Variants in RASA2 observed in about 807,000 individuals in gnomAD.
The protein encoded by RASA2 is ras GTPase-activating protein 2.
Under a neutral mutation model 118.2 loss-of-function variants are expected in RASA2, and 155 were observed. That is an observed-to-expected ratio of 1.31 (90% CI 1.15 to 1.50). RASA2 has a LOEUF of 1.50. Among genes scored for constraint, RASA2 ranks in the 40% most tolerant of loss-of-function variants. The probability of loss-of-function intolerance (pLI) is 0.00; values close to 1 mark genes in which losing one functional copy is unlikely to be tolerated. For synonymous variants in RASA2, 353 were observed against 349.1 expected (o/e 1.01, Z -0.12); for missense variants, 1,016 against 1,009.6 (o/e 1.01, Z -0.09).
chr3:141,489,130 T>A (rs1207276076), intron 1 of RASA2, among the ~76,000 whole-genome samples: 1 of 152,254 alleles, frequency 6.6e-6, no homozygotes, highest in Non-Finnish European at 1.5e-5. Context: ...ATATTACTGC[T>A]TTAACCACAG....
chr3:141,527,262 T>G (rs2082198169), intron 3 of RASA2, among the ~76,000 whole-genome samples: 1 of 152,224 alleles, frequency 6.6e-6, no homozygotes, highest in African/African-American at 2.4e-5. Context: ...TCTATATACA[T>G]ATTCATAAAT....
At chr3:141,563,355 C>A (rs1003678452) in intron 9 of RASA2, among the ~76,000 whole-genome samples, 17 of 152,058 alleles carry the variant, frequency 1.1e-4, no homozygotes, top group African/African-American at 3.9e-4. Flanking sequence ...TTTAACAAAT[C>A]TTGAGCCTTT....
At chr3:141,489,274 C>T (rs778469803) in intron 1 of RASA2, among the ~76,000 whole-genome samples, 14 of 152,134 alleles carry the variant, frequency 9.2e-5, no homozygotes, top group Non-Finnish European at 2.1e-4. Flanking sequence ...AGCTCTCTTC[C>T]CATTTCTTTG....
intron 15 of RASA2, among the ~76,000 whole-genome samples, chr3:141,579,047 C>T (rs1187933942): frequency 3.3e-5 from 5 of 152,024 alleles, no homozygotes; most frequent in Admixed American, 2.0e-4. Context: ...TCGGATATTC[C>T]TTCCTTTCCA....
chr3:141,571,597 A>G (rs752312212), intron 11 of RASA2, 43 bp downstream of exon 11: 1 of 1,553,110 alleles, frequency 6.4e-7, no homozygotes, highest in Non-Finnish European at 8.8e-7. Context: ...ATGTTGTTGA[A>G]ATTGGACCTT....
intron 4 of RASA2, among the ~76,000 whole-genome samples, chr3:141,530,662 C>T (rs563685397): frequency 1.3e-5 from 2 of 152,192 alleles, no homozygotes; most frequent in African/African-American, 4.8e-5. Flanking sequence ...GTCTCCATTT[C>T]CTCATAATCT....
intron 13 of RASA2, among the ~76,000 whole-genome samples, chr3:141,573,463 A>C (rs2082956762): frequency 6.6e-6 from 1 of 152,172 alleles, no homozygotes; most frequent in Non-Finnish European, 1.5e-5. Context: ...ACAATAGTGA[A>C]CTTAAGCTAT....
intron 3 of RASA2, among the ~76,000 whole-genome samples, chr3:141,527,663 T>G (rs1284854682): frequency 6.6e-6 from 1 of 152,052 alleles, no homozygotes; most frequent in East Asian, 1.9e-4. Flanking sequence ...TTTTATATCT[T>G]AAGCCATTCC....
At chr3:141,606,501 A>T (rs1178657030) in intron 19 of RASA2, among the ~76,000 whole-genome samples, 1 of 152,152 alleles carries the variant, frequency 6.6e-6, no homozygotes, top group African/African-American at 2.4e-5. Context: ...ACCTAAATGC[A>T]TACTCCTTTA....
chr3:141,535,170 A>T (rs1219127428), intron 4 of RASA2, among the ~76,000 whole-genome samples: 1 of 152,180 alleles, frequency 6.6e-6, no homozygotes, highest in African/African-American at 2.4e-5. Flanking sequence ...TAGCAATAAC[A>T]TATTTTTAAA....
At chr3:141,535,169 C>G (rs1896560) in intron 4 of RASA2, among the ~76,000 whole-genome samples, 1 of 152,052 alleles carries the variant, frequency 6.6e-6, no homozygotes, top group Admixed American at 6.6e-5. Context: ...TTAGCAATAA[C>G]ATATTTTTAA....
rs536702889 is a variant in RASA2, at chr3:141,586,149, G to A, written c.1826+51G>A. On this transcript the variant is annotated intron_variant, in intron 18 of 23. Coordinates refer to ENST00000286364, the MANE Select transcript of RASA2 (RefSeq NM_006506.5). ...AGTCATATATCAGTATAGATATTAA[G>A]TAAGTACAAAGAGCGTGGGTCTAAG... 2.0e-6 allele frequency: 3 copies of A among 1,488,232 alleles called. No homozygotes were observed. In the African/African-American group the frequency reaches 4.2e-5, roughly 21 times the overall value. 92.2% of individuals were successfully genotyped at this position (1,488,232 alleles called of 1,614,324 possible).
At chr3:141,544,052 T>C (rs2082447267) in intron 5 of RASA2, among the ~76,000 whole-genome samples, 1 of 151,940 alleles carries the variant, frequency 6.6e-6, no homozygotes, top group South Asian at 2.1e-4. Flanking sequence ...ATTTTTACAT[T>C]TTTAGTAGAA....
intron 6 of RASA2, among the ~76,000 whole-genome samples, chr3:141,555,499 A>G (rs747510852): frequency 2.0e-5 from 3 of 152,116 alleles, no homozygotes; most frequent in Admixed American, 1.3e-4. Context: ...ATTTTTCAAC[A>G]TAGATGAAGG....
intron 19 of RASA2, among the ~76,000 whole-genome samples, chr3:141,590,961 G>A (rs141009262): frequency 2.0e-5 from 3 of 152,292 alleles, no homozygotes; most frequent in Middle Eastern, 3.4e-3. Flanking sequence ...AAATTAACAT[G>A]TAGCAAATGA....
chr3:141,600,241 AAAG>A (rs2083442358), intron 19 of RASA2: 1 of 502,544 alleles, frequency 2.0e-6, no homozygotes, highest in Non-Finnish European at 4.0e-6. Flanking sequence ...TTCTTGAAGG[AAAG>A]AAGGAGGACA....
chr3:141,585,657 G>T (rs955828468), intron 17 of RASA2, among the ~76,000 whole-genome samples: 1 of 152,002 alleles, frequency 6.6e-6, no homozygotes, highest in Non-Finnish European at 1.5e-5. Flanking sequence ...AAAAATAGCT[G>T]CCCATGGTGG....
At chr3:141,531,446 GTATATATGCATATGTGTGTA>G (rs1445079046) in intron 4 of RASA2, among the ~76,000 whole-genome samples, 6 of 150,958 alleles carry the variant, frequency 4.0e-5, no homozygotes, top group African/African-American at 1.2e-4. Flanking sequence ...ATGCATATGT[GTATATATGCATATGTGTGTA>G]TATATATGCA....
At chr3:141,542,431 A>G (rs2082418601) in intron 5 of RASA2, among the ~76,000 whole-genome samples, 1 of 152,202 alleles carries the variant, frequency 6.6e-6, no homozygotes, top group Admixed American at 6.5e-5. Flanking sequence ...AGATGACAAA[A>G]CTGATGCCCA....
Sources: allele counts gnomAD v4.1 joint callset (sites outside exome capture counted in the v4.1 genomes callset), GRCh38; gene constraint gnomAD v4.1.1; transcripts MANE v1.5; gene names NCBI Gene and HGNC (gene_info 2026-07-23, HGNC 2026-07-21).